CELF2: variants seen among roughly 807,000 people sequenced by gnomAD.
The protein encoded by CELF2 is CUGBP Elav-like family member 2.
Under a neutral mutation model 62.6 loss-of-function variants are expected in CELF2, and 8 were observed. The observed-to-expected ratio is 0.13, with a 90% CI of 0.07 to 0.23. The LOEUF is 0.23. CELF2 is among the 10% of genes least tolerant of loss of function. CELF2 has a pLI of 1.00. For synonymous variants in CELF2, 258 were observed against 250.0 expected, an observed-to-expected ratio of 1.03 and a Z score of -0.30; for missense variants, 333 against 671.0, an observed-to-expected ratio of 0.50 and a Z score of 5.56.
rs2087970239 is a variant in CELF2 at position 11,280,440 on chromosome 10, G to A, written c.841+5320G>A. The stretch of plus-strand genomic sequence containing the variant: ...CCAAAACCGTTTCTCCCCCGCATAG[G>A]AGGGGAAGGCAGGCAGGTGCGATGT... On this transcript the variant is annotated intron_variant, in intron 8 of 12. Transcript: ENST00000633077. This position sits in a 1 kb window ranked among gnomAD's most constrained non-coding sequence, Gnocchi z 7.6. Among the ~76,000 whole-genome samples the A allele has an allele frequency of 6.6e-6, 1 of 152,224 alleles. No individual in the cohort carries two copies. The highest frequency in any genetic ancestry group is 2.4e-5 in the African/African-American group (1 of 41,458).
chr10:10,817,325 A>G (rs753241128), intron 1 of CELF2, among the ~76,000 whole-genome samples: 1 of 152,214 alleles, frequency 6.6e-6, no homozygotes, highest in African/African-American at 2.4e-5. Flanking sequence ...AAACAAGCCA[A>G]TAGCACTCTT....
chr10:11,214,814 T>A lies in CELF2; in HGVS notation c.272-2611T>A, dbSNP rs1020965445. 3.3e-5 allele frequency among the ~76,000 whole-genome samples: 5 copies of A among 152,214 alleles called. No individual in the cohort carries two copies. Among genetic ancestry groups the A allele is most frequent in the Non-Finnish European group, 5.9e-5 (4 of 68,030 alleles). On this transcript the variant is annotated intron_variant, in intron 2 of 12. Transcript: ENST00000633077. This position sits in a 1 kb window ranked among gnomAD's most constrained non-coding sequence, Gnocchi z 4.2. ...AGAACTATGCATAGTTGGAAGAGGA[T>A]CTGTAGTGATAAGTGACTGACTTCA...
intron 1 of CELF2, among the ~76,000 whole-genome samples, chr10:11,139,122 G>A (rs929250241): frequency 6.6e-6 from 1 of 152,166 alleles, no homozygotes; most frequent in Non-Finnish European, 1.5e-5. Context: ...CAGCCGCCCT[G>A]TATAAAGAAT....
At chr10:10,858,190 C>T (rs2059858642) in intron 1 of CELF2, among the ~76,000 whole-genome samples, 1 of 151,996 alleles carries the variant, frequency 6.6e-6, no homozygotes, top group African/African-American at 2.4e-5. Flanking sequence ...ATGAAAACTA[C>T]AAACCCACAG....
chr10:10,906,850 C>A (rs868382837), intron 1 of CELF2, among the ~76,000 whole-genome samples: 3 of 150,730 alleles, frequency 2.0e-5, no homozygotes, highest in Non-Finnish European at 4.4e-5. Context: ...TCCTGAGTAG[C>A]TGGAATTACA....
chr10:10,710,850 G>A, the CELF2 span, among the ~76,000 whole-genome samples: 2 of 152,138 alleles, frequency 1.3e-5, no homozygotes, highest in African/African-American at 2.4e-5. Context: ...GCATACAACT[G>A]AGACGTTGAT....
the CELF2 span, among the ~76,000 whole-genome samples, chr10:10,502,252 C>T: frequency 6.6e-6 from 1 of 151,746 alleles, no homozygotes; most frequent in Non-Finnish European, 1.5e-5. Flanking sequence ...GTTTTGATAT[C>T]ATGGTAATAT....
chr10:11,265,209 T>C (rs1184497054), intron 5 of CELF2, among the ~76,000 whole-genome samples: 2 of 152,242 alleles, frequency 1.3e-5, no homozygotes, highest in African/African-American at 4.8e-5. Context: ...GTTGTTTGAA[T>C]GCAGAATATT....
Position 11,222,479 on chromosome 10 carries a change from C to A in CELF2, c.354+4972C>A, listed in dbSNP as rs572529039. ...GGTTTAAAATTATCATGGAAAACAA[C>A]CGAAACATCTGTATGAACAGGTTTG... On this transcript the variant is annotated intron_variant, in intron 3 of 12. Coordinates refer to ENST00000633077, the MANE Select transcript of CELF2 (RefSeq NM_001326342.2). 3.3e-5 allele frequency among the ~76,000 whole-genome samples: 5 copies of A among 152,286 alleles called. No homozygotes were observed. The East Asian group carries it at 9.6e-4, about 29-fold the overall frequency.
intron 1 of CELF2, among the ~76,000 whole-genome samples, chr10:10,852,682 C>T (rs1246076339): frequency 6.6e-6 from 1 of 152,190 alleles, no homozygotes; most frequent in Non-Finnish European, 1.5e-5. Flanking sequence ...TATACTAGAA[C>T]ACTTTTGCAA....
In CELF2 at chr10:11,017,991, G is replaced by C; in HGVS notation, c.-99G>C. 1.0e-6 allele frequency: 1 copy of C among 996,746 alleles called. No individual in the cohort carries two copies. The highest frequency in any genetic ancestry group is 1.2e-6 in the Non-Finnish European group (1 of 838,290). The allele number at this position is 996,746 out of a possible 1,614,324, so 61.7% of individuals were successfully genotyped here. Reference sequence around the variant, plus strand: ...TGCCGGCTCGGCGGCCGCCGGGGGAGGCCGCGCGCACCTGTCCCTGCCCGT... The same window carrying C: ...TGCCGGCTCGGCGGCCGCCGGGGGACGCCGCGCGCACCTGTCCCTGCCCGT... On this transcript the variant is annotated 5_prime_UTR_variant, in exon 1 of 13. Transcript: ENST00000633077. This position sits in a 1 kb window ranked among gnomAD's most constrained non-coding sequence, Gnocchi z 5.5.
At chr10:10,640,248 A>G in the CELF2 span, among the ~76,000 whole-genome samples, 1 of 152,350 alleles carries the variant, frequency 6.6e-6, no homozygotes. Flanking sequence ...TGTTTTGACA[A>G]TATTGGATGT....
rs2095850888 is a variant in CELF2, at chr10:11,328,135, G to A, written c.1439-791G>A. 6.6e-6 allele frequency among the ~76,000 whole-genome samples: 1 copy of A among 152,126 alleles called. No individual in the cohort carries two copies. Among genetic ancestry groups the A allele is most frequent in the South Asian group, 2.1e-4 (1 of 4,824 alleles). ...GTCGTTGCTACAGAGTAAGAGATGG[G>A]GAATTCTCTTCAGATGATTAAGTTC... is the stretch of plus-strand genomic sequence containing the variant. On this transcript the variant is annotated intron_variant, in intron 12 of 12. Transcript: ENST00000633077. This position sits in a 1 kb window ranked among gnomAD's most constrained non-coding sequence, Gnocchi z 6.4.
chr10:11,017,790 C>T (rs2057483012), upstream of CELF2: 2 of 219,138 alleles, frequency 9.1e-6, no homozygotes, highest in Non-Finnish European at 1.5e-5. The surrounding 1 kb of genome is among the most constrained non-coding windows in gnomAD (Gnocchi z 5.5). Flanking sequence ...TGTGTCCCCG[C>T]GGGGCGGAGC....
At chr10:11,049,069 G>A (rs930884944) in intron 1 of CELF2, among the ~76,000 whole-genome samples, 4 of 150,768 alleles carry the variant, frequency 2.7e-5, no homozygotes, top group Non-Finnish European at 5.9e-5. Flanking sequence ...TGGCAAGAAG[G>A]AAATCACTTG....
the CELF2 span, among the ~76,000 whole-genome samples, chr10:10,490,210 A>C: frequency 0.57 from 86,812 of 151,480 alleles, 24,959 homozygotes; most frequent in Admixed American, 0.65. Context: ...AGATTTAGGC[A>C]AATTTTGCCT....
chr10:11,273,784 C>T (rs2084843785), intron 7 of CELF2, among the ~76,000 whole-genome samples: 1 of 151,738 alleles, frequency 6.6e-6, no homozygotes, highest in Non-Finnish European at 1.5e-5. Context: ...TGCTGTGGCA[C>T]CATCTCTGCT....
At chr10:10,501,055 G>A in the CELF2 span, among the ~76,000 whole-genome samples, 1 of 152,182 alleles carries the variant, frequency 6.6e-6, no homozygotes, top group Non-Finnish European at 1.5e-5. Context: ...CTGGGTTGGG[G>A]CTATGATGAA....
the CELF2 span, among the ~76,000 whole-genome samples, chr10:10,488,752 T>C: frequency 6.6e-6 from 1 of 152,142 alleles, no homozygotes; most frequent in Non-Finnish European, 1.5e-5. Flanking sequence ...TAAAAACTGA[T>C]AACATTAATT....
Sources: allele counts gnomAD v4.1 joint callset (sites outside exome capture counted in the v4.1 genomes callset), GRCh38; gene constraint gnomAD v4.1.1; non-coding constraint Gnocchi (gnomAD v3.1); transcripts MANE v1.5; gene names NCBI Gene and HGNC (gene_info 2026-07-23, HGNC 2026-07-21).